The following CACNA1C variants were observed in gnomAD, a reference collection of about 807,000 sequenced individuals.
CACNA1C encodes voltage-dependent L-type calcium channel subunit alpha-1C.
Under a neutral mutation model 229.0 loss-of-function variants are expected in CACNA1C, and 30 were observed. That is an observed-to-expected ratio of 0.13 (90% CI 0.10 to 0.18). The LOEUF (loss-of-function observed/expected upper bound fraction) is 0.18. Among genes scored for constraint, CACNA1C ranks in the 10% least tolerant of loss-of-function variants. The pLI is 1.00. For missense variants in CACNA1C, 1,658 were observed against 2,845.0 expected (o/e 0.58, Z 9.49); for synonymous variants, 1,114 against 1,132.5 (o/e 0.98, Z 0.33).
chr12:2,297,973 A>G (rs113258895), intron 3 of CACNA1C, among the ~76,000 whole-genome samples: 10,268 of 152,274 alleles, frequency 0.067, 491 homozygotes, highest in African/African-American at 0.13. Flanking sequence ...TCTGTTTCAG[A>G]GGACCTCAGC....
Position 2,605,035 on chromosome 12 carries a change from C to A in CACNA1C, c.2961-46C>A, listed in dbSNP as rs369863266. ...CCTTACCACATTATTTTTGCTCCCCCCAGAAACAGGAGGAGCTTACTACCC... is the reference window on the plus strand; with the variant it reads ...CCTTACCACATTATTTTTGCTCCCCACAGAAACAGGAGGAGCTTACTACCC... On this transcript the variant is annotated intron_variant, in intron 22 of 46. Transcript: ENST00000399655. This position sits in a 1 kb window ranked among gnomAD's most constrained non-coding sequence, Gnocchi z 6.2. The A allele has an allele frequency of 3.5e-6, 5 of 1,432,742 alleles. No homozygotes were observed. The highest frequency in any genetic ancestry group is 4.9e-6 in the Non-Finnish European group (5 of 1,014,930). 88.8% of individuals were successfully genotyped at this position (1,432,742 alleles called of 1,614,324 possible). A position where few individuals can be genotyped will look rare whatever the true frequency, so the allele number is the denominator to read the frequency against.
chr12:2,677,298 C>T lies in CACNA1C; in HGVS notation c.4956+77C>T. 2 of 1,517,362 alleles carry T rather than the reference C, an allele frequency of 1.3e-6. No homozygotes were observed. The highest frequency in any genetic ancestry group is 1.8e-6 in the Non-Finnish European group (2 of 1,119,368). The allele number at this position is 1,517,362 out of a possible 1,614,324, so 94.0% of individuals were successfully genotyped here. On this transcript the variant is annotated intron_variant, in intron 40 of 46. Transcript: ENST00000399655. This position sits in a 1 kb window ranked among gnomAD's most constrained non-coding sequence, Gnocchi z 7.4. ...CTGACCTCCAGTCAGGGTCCCGGTC[C>T]CTCCCCAGCAGGCTGGAGGCCAGGT...
chr12:2,036,249 T>C (rs1253242526), intron 1 of CACNA1C, among the ~76,000 whole-genome samples: 1 of 152,192 alleles, frequency 6.6e-6, no homozygotes, highest in South Asian at 2.1e-4. Flanking sequence ...TCCCTTAGTG[T>C]CTGAGTGGGC....
intron 1 of CACNA1C, among the ~76,000 whole-genome samples, chr12:2,070,131 GC>G (rs2060670965): frequency 6.6e-6 from 1 of 152,212 alleles, no homozygotes; most frequent in African/African-American, 2.4e-5. Context: ...AGCTAAATTT[GC>G]ATTAAGAAAG....
rs530435492 is a variant in CACNA1C at position 2,136,273 on chromosome 12, A to G, written c.477+15843A>G. ...CCCGTCTTCTGCGTCGGTCACGCTG[A>G]GAGCTGTAGACCGGAGCTGTTCCTA... On this transcript the variant is annotated intron_variant, in intron 3 of 46. Transcript: ENST00000399655. 5.5e-4 allele frequency among the ~76,000 whole-genome samples: 84 copies of G among 151,434 alleles called. 1 individual carries two copies. The highest frequency in any genetic ancestry group is 1.3e-3 in the African/African-American group (55 of 41,488).
At chr12:2,617,269 C>T (rs573801823) in intron 29 of CACNA1C, among the ~76,000 whole-genome samples, 3 of 152,192 alleles carry the variant, frequency 2.0e-5, no homozygotes, top group African/African-American at 4.8e-5. Context: ...CAGAGCTGCT[C>T]GGGACCCTGG....
At chr12:2,353,701 G>A (rs570801490) in intron 3 of CACNA1C, among the ~76,000 whole-genome samples, 7 of 152,316 alleles carry the variant, frequency 4.6e-5, no homozygotes, top group South Asian at 2.1e-4. Flanking sequence ...AGCATGACCC[G>A]TGCCTCAATC....
intron 9 of CACNA1C, among the ~76,000 whole-genome samples, chr12:2,547,948 A>G (rs1466113127): frequency 6.6e-6 from 1 of 152,122 alleles, no homozygotes; most frequent in African/African-American, 2.4e-5. Context: ...CCTCCACAGC[A>G]CTGTACTCAC....
At chr12:2,184,905 C>G (rs1253099448) in intron 3 of CACNA1C, among the ~76,000 whole-genome samples, 2 of 152,156 alleles carry the variant, frequency 1.3e-5, no homozygotes, top group Non-Finnish European at 2.9e-5. Flanking sequence ...AAAATGTGAC[C>G]CCACCTCTGG....
At chr12:2,179,567 C>G (rs755242480) in intron 3 of CACNA1C, among the ~76,000 whole-genome samples, 1 of 152,080 alleles carries the variant, frequency 6.6e-6, no homozygotes, top group Non-Finnish European at 1.5e-5. Context: ...ACCCCTATTG[C>G]GTTAGAAAAT....
intron 3 of CACNA1C, among the ~76,000 whole-genome samples, chr12:2,328,338 G>T (rs762407924): frequency 3.9e-5 from 6 of 152,194 alleles, no homozygotes; most frequent in Non-Finnish European, 7.3e-5. Flanking sequence ...TTTAACATAA[G>T]TTCCTGGGGT....
chr12:2,494,051 A>G (rs1355293687), intron 7 of CACNA1C, among the ~76,000 whole-genome samples: 1 of 152,040 alleles, frequency 6.6e-6, no homozygotes, highest in Non-Finnish European at 1.5e-5. Flanking sequence ...TCTGGGATAC[A>G]TGTGTAGAAC....
rs369742664 is a variant in CACNA1C at position 2,272,466 on chromosome 12, C to T, written c.477+152036C>T. On this transcript the variant is annotated intron_variant, in intron 3 of 46. Transcript: ENST00000399655. The stretch of plus-strand genomic sequence containing the variant: ...CTCCTCCCAAGCAGCCTATTGCTTT[C>T]TCTACTGATGCCTTGAGCCGGAAGC... Among the ~76,000 whole-genome samples, 117 of 152,344 alleles carry T rather than the reference C, an allele frequency of 7.7e-4. 1 individual carries two copies. Among genetic ancestry groups the T allele is most frequent in the African/African-American group, 2.8e-3 (116 of 41,564 alleles).
At chr12:2,069,754 G>A (rs1365063699) in intron 1 of CACNA1C, among the ~76,000 whole-genome samples, 1 of 152,134 alleles carries the variant, frequency 6.6e-6, no homozygotes, top group African/African-American at 2.4e-5. Flanking sequence ...CTTTGTGTCT[G>A]GTCCTTTACG....
chr12:2,491,278 G>A (rs1173764175), intron 6 of CACNA1C, among the ~76,000 whole-genome samples: 3 of 152,226 alleles, frequency 2.0e-5, no homozygotes, highest in East Asian at 1.9e-4. Flanking sequence ...AGTGATGGCC[G>A]TGCTTTAAAA....
In CACNA1C at chr12:2,605,194, T is replaced by A; in HGVS notation, c.3048+26T>A. 6.6e-7 allele frequency: 1 copy of A among 1,505,726 alleles called. No individual in the cohort carries two copies. The highest frequency in any genetic ancestry group is 9.2e-7 in the Non-Finnish European group (1 of 1,082,208). The allele number at this position is 1,505,726 out of a possible 1,614,324, so 93.3% of individuals were successfully genotyped here. A position where few individuals can be genotyped will look rare whatever the true frequency, so the allele number is the denominator to read the frequency against. On this transcript the variant is annotated intron_variant, in intron 23 of 46. Transcript: ENST00000399655. This position sits in a 1 kb window ranked among gnomAD's most constrained non-coding sequence, Gnocchi z 6.2. ...GTGAGTTGAGGGCTTGGGTAGGGAG[T>A]CTCCAGCCAGCCCATTGGGGAGTGG...
chr12:1,990,996 A>AC, intron 1 of CACNA1C: 2 of 392,944 alleles, frequency 5.1e-6, no homozygotes, highest in South Asian at 3.8e-5. Flanking sequence ...AAAAAAAAAA[A>AC]AAGGCAAAAT....
At chr12:2,593,994 C>T (rs918101268) in intron 19 of CACNA1C, among the ~76,000 whole-genome samples, 4 of 152,178 alleles carry the variant, frequency 2.6e-5, no homozygotes, top group Non-Finnish European at 4.4e-5. Context: ...GCTGTGTACA[C>T]GATTTTAGAC....
intron 3 of CACNA1C, among the ~76,000 whole-genome samples, chr12:2,207,682 T>G (rs956648080): frequency 6.6e-6 from 1 of 152,052 alleles, no homozygotes; most frequent in Non-Finnish European, 1.5e-5. Flanking sequence ...GGTGTGGTGG[T>G]GTGCACCTGT....
Sources: allele counts gnomAD v4.1 joint callset (sites outside exome capture counted in the v4.1 genomes callset), GRCh38; gene constraint gnomAD v4.1.1; non-coding constraint Gnocchi (gnomAD v3.1); transcripts MANE v1.5; gene names NCBI Gene and HGNC (gene_info 2026-07-23, HGNC 2026-07-21).